Variants in TMEM222 observed in about 807,000 individuals in gnomAD.
The protein encoded by TMEM222 is transmembrane protein 222.
In TMEM222, 18 loss-of-function variants were observed where a neutral mutation model predicts 25.1. The ratio of observed to expected loss-of-function variants is 0.72; its 90% CI spans 0.50 to 1.06. The LOEUF is 1.06. TMEM222 is among the 50% of genes least tolerant of loss of function. TMEM222 has a pLI of 0.00. For missense variants in TMEM222, 296 were observed against 293.7 expected, an observed-to-expected ratio of 1.01 and a Z score of -0.06; for synonymous variants, 131 against 117.9, an observed-to-expected ratio of 1.11 and a Z score of -0.72.
Position 27,322,317 on chromosome 1 carries a change from C to T in TMEM222, c.120C>T (p.Ser40=), listed in dbSNP as rs775759223. The change falls in exon 1 of 6, where the codon TCC becomes TCT. Residue 40 remains serine, a synonymous_variant. Coordinates refer to ENST00000374076, the MANE Select transcript of TMEM222 (RefSeq NM_032125.3). ...AETDMKQYQG[S]GGVAMDVERS... ...CGGACATGAAGCAATATCAAGGCTC[C>T]GGCGGCGTCGCCATGGATGTGGAAC... 6 of 1,552,774 alleles carry T rather than the reference C, an allele frequency of 3.9e-6. No homozygotes were observed. The highest frequency in any genetic ancestry group is 4.4e-6 in the Non-Finnish European group (5 of 1,145,598).
intron 1 of TMEM222, among the ~76,000 whole-genome samples, chr1:27,323,133 C>T (rs1294328481): frequency 1.3e-5 from 2 of 152,168 alleles, no homozygotes; most frequent in Admixed American, 1.3e-4. Flanking sequence ...CCCATTTTAT[C>T]AGAATTAAAC....
At chr1:27,325,473 A>G in intron 1 of TMEM222, 1 of 1,415,532 alleles carries the variant, frequency 7.1e-7, no homozygotes, top group Non-Finnish European at 1.0e-6. Flanking sequence ...CTTCCTGGGT[A>G]TGGAATCTTG....
chr1:27,326,112 C>A (rs1414258775), intron 1 of TMEM222, among the ~76,000 whole-genome samples: 3 of 152,130 alleles, frequency 2.0e-5, no homozygotes, highest in Admixed American at 6.5e-5. Context: ...AAGACAAGTG[C>A]GACTTGGTGA....
At chr1:27,330,314 T>C (rs1003906336) in intron 1 of TMEM222, among the ~76,000 whole-genome samples, 2 of 151,978 alleles carry the variant, frequency 1.3e-5, no homozygotes, top group Non-Finnish European at 2.9e-5. Context: ...GGAGAATTGC[T>C]TGAACTCGGG....
intron 1 of TMEM222, among the ~76,000 whole-genome samples, chr1:27,323,095 G>A (rs187115580): frequency 3.9e-5 from 6 of 152,302 alleles, no homozygotes; most frequent in Non-Finnish European, 7.3e-5. Context: ...TCCTCACCGT[G>A]CTGGATAGTT....
Position 27,334,791 on chromosome 1 carries a change from C to A in TMEM222, c.539+510C>A, listed in dbSNP as rs2014566140. 4 of 1,118,626 alleles carry A rather than the reference C, an allele frequency of 3.6e-6. No homozygotes were observed. The South Asian group carries it at 1.0e-4, about 28-fold the overall frequency. The allele number at this position is 1,118,626 out of a possible 1,614,324, so 69.3% of individuals were successfully genotyped here. ...TCTGGCCGCCTCTCCAAGCTTTCCT[C>A]TTAGCCACGTTCATCATTAAGAGGT... is the stretch of plus-strand genomic sequence containing the variant. On this transcript the variant is annotated intron_variant, in intron 5 of 5. Coordinates refer to ENST00000374076, the MANE Select transcript of TMEM222 (RefSeq NM_032125.3).
chr1:27,331,408 CT>C (rs2014475739), intron 2 of TMEM222, among the ~76,000 whole-genome samples: 1 of 152,178 alleles, frequency 6.6e-6, no homozygotes, highest in Admixed American at 6.5e-5. Flanking sequence ...AGGTCTGTCA[CT>C]TTGTACTTAA....
At chr1:27,330,139 C>G (rs1262492673) in intron 1 of TMEM222, among the ~76,000 whole-genome samples, 1 of 151,868 alleles carries the variant, frequency 6.6e-6, no homozygotes, top group East Asian at 1.9e-4. Flanking sequence ...TGGCTTATGC[C>G]TGTAATCCCA....
At chr1:27,333,892 G>A in intron 3 of TMEM222, 66 bp from the exon 4 acceptor site, 1 of 1,446,960 alleles carries the variant, frequency 6.9e-7, no homozygotes, top group Non-Finnish European at 9.6e-7. Flanking sequence ...AGGCCTCAGA[G>A]GACGTGCGTA....
In TMEM222 at chr1:27,333,951, C is replaced by T. The variant is rs1279151742; in HGVS notation, c.312-7C>T. The T allele has an allele frequency of 3.7e-6, 6 of 1,612,840 alleles. No individual in the cohort carries two copies. Among genetic ancestry groups the T allele is most frequent in the Non-Finnish European group, 5.1e-6 (6 of 1,179,248 alleles). On this transcript the variant is annotated splice_polypyrimidine_tract_variant and splice_region_variant and intron_variant, in intron 3 of 5. Transcript: ENST00000374076. ...AGCAAGTGTCCAGAGCCCTTCTCTC[C>T]CCCCAGGTACTGGAAGTTGGACCCT...
chr1:27,329,186 C>T (rs1367224221), intron 1 of TMEM222, among the ~76,000 whole-genome samples: 1 of 151,080 alleles, frequency 6.6e-6, no homozygotes, highest in African/African-American at 2.4e-5. Flanking sequence ...CCCACCCATA[C>T]TGGTGTCATG....
Position 27,322,309 on chromosome 1 carries a change from CA to C in TMEM222, c.114del (p.Gly39AlafsTer114). 1 of 1,559,462 alleles carries C rather than the reference CA, an allele frequency of 6.4e-7. No homozygotes were observed. The highest frequency in any genetic ancestry group is 8.7e-7 in the Non-Finnish European group (1 of 1,149,662). On this transcript the variant is annotated frameshift_variant, in exon 1 of 6. Coordinates refer to ENST00000374076, the MANE Select transcript of TMEM222 (RefSeq NM_032125.3). LOFTEE classifies it high-confidence loss of function. ...TAAETDMKQY[Q>X]GSGGVAMDVE... is the part of the protein sequence containing the mutation. ...GGCCGAGACGGACATGAAGCAATAT[CA>C]AGGCTCCGGCGGCGTCGCCATGGAT...
At chr1:27,332,450 C>T in intron 3 of TMEM222, 1 of 718,158 alleles carries the variant, frequency 1.4e-6, no homozygotes, top group South Asian at 1.5e-5. Flanking sequence ...CCTCTAGACT[C>T]ACTCTCCTGC....
chr1:27,331,457 A>G (rs930526701), intron 2 of TMEM222, among the ~76,000 whole-genome samples: 2 of 152,230 alleles, frequency 1.3e-5, no homozygotes, highest in African/African-American at 4.8e-5. Flanking sequence ...ATATATTTTT[A>G]TGGTGATTAA....
chr1:27,330,772 A>T lies in TMEM222; in HGVS notation c.247A>T (p.Ile83Phe). 6.2e-7 allele frequency: 1 copy of T among 1,614,118 alleles called. No homozygotes were observed. Among genetic ancestry groups the T allele is most frequent in the Non-Finnish European group, 8.5e-7 (1 of 1,180,006 alleles). The stretch of plus-strand genomic sequence containing the variant: ...GGGCATCTGCACATCCACAGGAGTC[A>T]TTCGGGACTTCGCGGGCCCCTACTT... ...HMGICTSTGVIRDFAGPYFVS... is the reference protein window; with the variant it reads ...HMGICTSTGVFRDFAGPYFVS... Residue 83 changes from isoleucine (I) to phenylalanine (F), a missense_variant, in exon 2 of 6, where the codon ATT (isoleucine) becomes TTT (phenylalanine). Physicochemically the swap from Ile to Phe is conservative, Grantham distance 21. Transcript: ENST00000374076.
intron 2 of TMEM222, 23 bp downstream of exon 2, chr1:27,330,827 C>T (rs760994690): frequency 1.4e-5 from 23 of 1,612,786 alleles, no homozygotes; most frequent in African/African-American, 2.7e-5. Context: ...TCTGCCCACC[C>T]GGGGGGTTCC....
chr1:27,333,835 T>G, intron 3 of TMEM222, 123 bp from the exon 4 acceptor site: 2 of 778,156 alleles, frequency 2.6e-6, no homozygotes, highest in Non-Finnish European at 4.1e-6. Context: ...GCCCCAGATC[T>G]GGCTTACTGT....
intron 3 of TMEM222, chr1:27,332,319 C>T (rs2014501483): frequency 5.7e-6 from 4 of 705,740 alleles, no homozygotes; most frequent in Middle Eastern, 3.0e-4. Flanking sequence ...ACCATCTGGG[C>T]CTTGCCACAG....
chr1:27,330,416 AAC>A (rs1230086729), intron 1 of TMEM222, among the ~76,000 whole-genome samples: 4 of 151,778 alleles, frequency 2.6e-5, no homozygotes, highest in African/African-American at 9.7e-5. Context: ...AAAAGGTAGA[AAC>A]AGTTTATCCC....
Sources: allele counts gnomAD v4.1 joint callset (sites outside exome capture counted in the v4.1 genomes callset), GRCh38; gene constraint gnomAD v4.1.1; transcripts MANE v1.5; gene names NCBI Gene and HGNC (gene_info 2026-07-23, HGNC 2026-07-21).